SOX5: variants seen among roughly 807,000 people sequenced by gnomAD.
SOX5 encodes the protein SRY-box transcription factor 5.
Under a neutral mutation model 92.0 loss-of-function variants are expected in SOX5, and 9 were observed. The observed-to-expected ratio is 0.10, with a 90% CI of 0.06 to 0.17. The LOEUF is 0.17. SOX5 is among the 10% of genes least tolerant of loss of function. The pLI is 1.00. For missense variants in SOX5, 642 were observed against 944.5 expected (o/e 0.68, Z 4.20); for synonymous variants, 344 against 336.3 (o/e 1.02, Z -0.25).
chr12:24,196,317 A>G (rs1382446730), intron 4 of SOX5, among the ~76,000 whole-genome samples: 2 of 152,248 alleles, frequency 1.3e-5, no homozygotes, highest in African/African-American at 4.8e-5. Context: ...AACACTCACA[A>G]TGACATGATA....
chr12:23,997,900 A>T (rs1046863778), intron 4 of SOX5, among the ~76,000 whole-genome samples: 2 of 152,224 alleles, frequency 1.3e-5, no homozygotes, highest in African/African-American at 4.8e-5. Context: ...TTCCAAAATT[A>T]GTCCAGGCAA....
At chr12:24,086,611 T>C (rs1431624219) in intron 4 of SOX5, among the ~76,000 whole-genome samples, 3 of 152,036 alleles carry the variant, frequency 2.0e-5, no homozygotes, top group Non-Finnish European at 4.4e-5. Context: ...CTGGTACTGA[T>C]ATTTCACCTA....
chr12:24,555,041 T>C (rs1953632459), intron 1 of SOX5, among the ~76,000 whole-genome samples: 1 of 152,238 alleles, frequency 6.6e-6, no homozygotes, highest in Non-Finnish European at 1.5e-5. Context: ...GGACTGCTCA[T>C]GGCAGTGATC....
chr12:23,946,476 T>A (rs1335617125), intron 1 of SOX5, among the ~76,000 whole-genome samples: 1 of 152,058 alleles, frequency 6.6e-6, no homozygotes, highest in East Asian at 1.9e-4. Flanking sequence ...TGGACATTTT[T>A]ACTTATCATG....
intron 4 of SOX5, among the ~76,000 whole-genome samples, chr12:24,069,993 A>G (rs1569532513): frequency 6.6e-6 from 1 of 152,134 alleles, no homozygotes; most frequent in Non-Finnish European, 1.5e-5. Context: ...CAGGCCTAAC[A>G]TTACACCAGT....
intron 2 of SOX5, among the ~76,000 whole-genome samples, chr12:24,283,508 C>T (rs563459272): frequency 1.3e-5 from 2 of 152,200 alleles, no homozygotes; most frequent in African/African-American, 4.8e-5. Flanking sequence ...ATGCCACCTG[C>T]ACAACCATAC....
intron 2 of SOX5, among the ~76,000 whole-genome samples, chr12:23,873,036 C>T (rs1243173370): frequency 6.6e-6 from 1 of 152,178 alleles, no homozygotes; most frequent in Non-Finnish European, 1.5e-5. Context: ...TACTTTAATA[C>T]CTTACTTTCC....
At chr12:23,822,173 T>A (rs1737320904) in intron 3 of SOX5, among the ~76,000 whole-genome samples, 1 of 152,184 alleles carries the variant, frequency 6.6e-6, no homozygotes, top group Non-Finnish European at 1.5e-5. Flanking sequence ...AGCTTTTGAA[T>A]TTGTTTGTGC....
intron 6 of SOX5, among the ~76,000 whole-genome samples, chr12:23,682,150 G>A (rs58406329): frequency 1.1e-4 from 17 of 151,760 alleles, no homozygotes; most frequent in African/African-American, 4.1e-4. Context: ...AAAACCCACA[G>A]AACATTTATA....
At chr12:23,727,011 T>C (rs753659759) in intron 6 of SOX5, among the ~76,000 whole-genome samples, 1 of 151,966 alleles carries the variant, frequency 6.6e-6, no homozygotes, top group Non-Finnish European at 1.5e-5. Flanking sequence ...GCAAAGATTG[T>C]AGAAGAAAGA....
intron 3 of SOX5, among the ~76,000 whole-genome samples, chr12:24,215,316 A>C (rs1959082503): frequency 6.6e-6 from 1 of 152,152 alleles, no homozygotes; most frequent in African/African-American, 2.4e-5. Flanking sequence ...GATTATCGCT[A>C]TTTGTAGATA....
intron 1 of SOX5, among the ~76,000 whole-genome samples, chr12:23,903,984 A>G (rs961087571): frequency 6.6e-6 from 1 of 152,226 alleles, no homozygotes; most frequent in Non-Finnish European, 1.5e-5. Context: ...CAAACTTAGC[A>G]TATCACTTTA....
At chr12:24,066,337 T>C (rs941690465) in intron 4 of SOX5, among the ~76,000 whole-genome samples, 10 of 152,172 alleles carry the variant, frequency 6.6e-5, no homozygotes, top group Admixed American at 3.9e-4. Context: ...GACTTTAAGA[T>C]AGTATGAAAT....
chr12:24,469,730 C>T (rs1403383329), intron 1 of SOX5, among the ~76,000 whole-genome samples: 1 of 152,160 alleles, frequency 6.6e-6, no homozygotes, highest in African/African-American at 2.4e-5. Context: ...GCTCGAAAAA[C>T]TATACTAAGC....
chr12:23,955,045 C>T (rs536151392), upstream of SOX5, among the ~76,000 whole-genome samples: 37 of 152,148 alleles, frequency 2.4e-4, no homozygotes, highest in South Asian at 3.1e-3. Context: ...GTAGACTTAT[C>T]CCAATTACGA....
chr12:24,084,006 A>AGTCT (rs1485211083), intron 4 of SOX5, among the ~76,000 whole-genome samples: 1 of 152,018 alleles, frequency 6.6e-6, no homozygotes, highest in Middle Eastern at 3.2e-3. Flanking sequence ...AAGGAATGAG[A>AGTCT]GTCTGGTGTT....
chr12:24,546,593 T>C (rs1236811361), intron 1 of SOX5, among the ~76,000 whole-genome samples: 1 of 152,320 alleles, frequency 6.6e-6, no homozygotes, highest in East Asian at 1.9e-4. Flanking sequence ...TGGAACACAC[T>C]ACCACTCTCT....
chr12:23,964,414 A>G (rs1045956673), intron 4 of SOX5, among the ~76,000 whole-genome samples: 11 of 152,310 alleles, frequency 7.2e-5, no homozygotes, highest in Non-Finnish European at 1.5e-4. Context: ...GGACAAAAAA[A>G]TACCAGTCAT....
At chr12:24,133,414 T>C (rs1472331367) in intron 4 of SOX5, among the ~76,000 whole-genome samples, 1 of 152,228 alleles carries the variant, frequency 6.6e-6, no homozygotes, top group South Asian at 2.1e-4. Context: ...GAGATGACTA[T>C]GGTGTCTAAT....
Sources: allele counts gnomAD v4.1 joint callset (sites outside exome capture counted in the v4.1 genomes callset), GRCh38; gene constraint gnomAD v4.1.1; transcripts MANE v1.5; gene names NCBI Gene and HGNC (gene_info 2026-07-23, HGNC 2026-07-21).